The following CAMK2B variants were observed in gnomAD, a reference collection of about 807,000 sequenced individuals.
CAMK2B encodes calcium/calmodulin-dependent protein kinase type II subunit beta.
A neutral mutation model predicts 93.7 loss-of-function variants in CAMK2B; 27 were observed. The observed-to-expected ratio is 0.29, with a 90% CI of 0.21 to 0.40. The LOEUF (loss-of-function observed/expected upper bound fraction) is 0.40. CAMK2B is among the 10% of genes least tolerant of loss of function. The probability of loss-of-function intolerance (pLI) is 1.00; values close to 1 mark genes in which losing one functional copy is unlikely to be tolerated. For synonymous variants in CAMK2B, 374 were observed against 358.8 expected (o/e 1.04, Z -0.48); for missense variants, 568 against 895.8 (o/e 0.63, Z 4.67).
chr7:44,270,713 G>A (rs1435413599), intron 2 of CAMK2B, among the ~76,000 whole-genome samples: 3 of 152,154 alleles, frequency 2.0e-5, no homozygotes, highest in Non-Finnish European at 4.4e-5. Context: ...ACACTTTGAG[G>A]GCCACAGCAC....
intron 18 of CAMK2B, 69 bp downstream of exon 18, chr7:44,229,319 A>T (rs1346046007): frequency 1.9e-6 from 2 of 1,035,892 alleles, no homozygotes; most frequent in East Asian, 2.7e-5. Flanking sequence ...TCGGCTCTGG[A>T]GTGGCCCCTC....
intron 2 of CAMK2B, among the ~76,000 whole-genome samples, chr7:44,274,895 G>C (rs780603099): frequency 3.9e-5 from 6 of 152,206 alleles, no homozygotes; most frequent in Admixed American, 6.5e-5. Context: ...GATCCCACCA[G>C]ATGTGGGAAC....
chr7:44,302,534 T>C (rs998420778), intron 1 of CAMK2B, among the ~76,000 whole-genome samples: 6 of 152,136 alleles, frequency 3.9e-5, no homozygotes, highest in African/African-American at 7.2e-5. Flanking sequence ...AATCCAACAA[T>C]GTATAAAAAG....
In CAMK2B at chr7:44,248,234, G is replaced by A. The variant is rs919240334; in HGVS notation, c.342-1042C>T. ...CTCTCATAGTCAGGGAGGGCTGTTG[G>A]CAGAAGTCCAGGGCCCTTCCAGGCC... is the stretch of plus-strand genomic sequence containing the variant. On this transcript the variant is annotated intron_variant, in intron 5 of 23. Transcript: ENST00000395749. This position sits in a 1 kb window ranked among gnomAD's most constrained non-coding sequence, Gnocchi z 4.1. Among the ~76,000 whole-genome samples the A allele has an allele frequency of 2.6e-5, 4 of 152,122 alleles. No individual in the cohort carries two copies. The highest frequency in any genetic ancestry group is 5.9e-5 in the Non-Finnish European group (4 of 68,002).
chr7:44,301,901 A>G (rs1790156349), intron 1 of CAMK2B, among the ~76,000 whole-genome samples: 1 of 152,208 alleles, frequency 6.6e-6, no homozygotes. Flanking sequence ...TAAAAACTAG[A>G]GTGTAAATCA....
At chr7:44,304,885 C>T (rs934514508) in intron 1 of CAMK2B, among the ~76,000 whole-genome samples, 3 of 152,084 alleles carry the variant, frequency 2.0e-5, no homozygotes, top group African/African-American at 7.2e-5. Context: ...TTTTTCCATA[C>T]AGACAAAACT....
chr7:44,228,600 C>T (rs2096544364), intron 19 of CAMK2B, among the ~76,000 whole-genome samples, 196 bp downstream of exon 19: 1 of 152,036 alleles, frequency 6.6e-6, no homozygotes, highest in Non-Finnish European at 1.5e-5. Flanking sequence ...GGTCTGGGCC[C>T]CTTAGGGAGA....
Position 44,286,469 on chromosome 7 carries a change from G to A in CAMK2B, c.66-2244C>T, listed in dbSNP as rs915304328. Among the ~76,000 whole-genome samples the A allele has an allele frequency of 7.9e-5, 12 of 152,202 alleles. No homozygotes were observed. The highest frequency in any genetic ancestry group is 2.1e-4 in the South Asian group (1 of 4,822). ...CACCGCTGTGTCGAGCCCGTCCCCG[G>A]AGCAGGGAGGAGACCCAAGCGCAGC... On this transcript the variant is annotated intron_variant, in intron 1 of 23. Coordinates refer to ENST00000395749, the MANE Select transcript of CAMK2B (RefSeq NM_001220.5). This position sits in a 1 kb window ranked among gnomAD's most constrained non-coding sequence, Gnocchi z 4.0.
At chr7:44,283,193 C>A (rs1406034408) in intron 2 of CAMK2B, among the ~76,000 whole-genome samples, 4 of 152,270 alleles carry the variant, frequency 2.6e-5, no homozygotes, top group Non-Finnish European at 4.4e-5. Flanking sequence ...GATCTGTGCT[C>A]CAACCACAGC....
rs2096691893 is a variant in CAMK2B, at chr7:44,242,669, T to G, written c.602-15A>C. The G allele has an allele frequency of 6.3e-7, 1 of 1,581,558 alleles. No individual in the cohort carries two copies. Among genetic ancestry groups the G allele is most frequent in the Admixed American group, 1.7e-5 (1 of 58,226 alleles). On this transcript the variant is annotated splice_polypyrimidine_tract_variant and intron_variant, in intron 8 of 23. Coordinates refer to ENST00000395749, the MANE Select transcript of CAMK2B (RefSeq NM_001220.5). ...CAGGATCACCCCTGCGGATGGGGCCTGTGAGCACCGCAGCCACTTGCAGGG... is the reference window on the plus strand; with the variant it reads ...CAGGATCACCCCTGCGGATGGGGCCGGTGAGCACCGCAGCCACTTGCAGGG...
chr7:44,282,180 C>G (rs1223076050), intron 2 of CAMK2B, among the ~76,000 whole-genome samples: 1 of 152,234 alleles, frequency 6.6e-6, no homozygotes, highest in African/African-American at 2.4e-5. Flanking sequence ...CAGAGACCCA[C>G]AGGAACTGGC....
chr7:44,313,030 A>G (rs1793956103), intron 1 of CAMK2B, among the ~76,000 whole-genome samples: 1 of 152,122 alleles, frequency 6.6e-6, no homozygotes, highest in South Asian at 2.1e-4. Context: ...CCAGGGAGAC[A>G]GCAGGACCCT....
intron 1 of CAMK2B, among the ~76,000 whole-genome samples, chr7:44,313,795 G>C (rs533549936): frequency 6.7e-6 from 1 of 149,230 alleles, no homozygotes; most frequent in East Asian, 2.0e-4. Flanking sequence ...CCTCTGGCCT[G>C]AGCTCACATC....
At position 44,228,960 on chromosome 7, in the gene CAMK2B, G is replaced by A. The variant is rs766378378; in HGVS notation, c.1340-36C>T. ...ACAGATGAGACGTGAACATGAGGCAGACAGACACACGAGGCGGCGGCAAGG... is the reference window on the plus strand; with the variant it reads ...ACAGATGAGACGTGAACATGAGGCAAACAGACACACGAGGCGGCGGCAAGG... On this transcript the variant is annotated intron_variant, in intron 18 of 23. Transcript: ENST00000395749. 4 of 1,602,046 alleles carry A rather than the reference G, an allele frequency of 2.5e-6. No individual in the cohort carries two copies. In the Admixed American group the frequency reaches 5.0e-5, roughly 20 times the overall value.
At chr7:44,243,131 T>G (rs1419197884) in intron 8 of CAMK2B, 119 bp downstream of exon 8, 2 of 762,854 alleles carry the variant, frequency 2.6e-6, no homozygotes, top group Non-Finnish European at 4.4e-6. Flanking sequence ...AGGGCAGGTC[T>G]GACACAGATA....
chr7:44,274,626 C>T (rs938761007), intron 2 of CAMK2B, among the ~76,000 whole-genome samples: 1 of 152,244 alleles, frequency 6.6e-6, no homozygotes, highest in African/African-American at 2.4e-5. Context: ...CTTCAAAACA[C>T]TCTTCTCCTC....
intron 2 of CAMK2B, among the ~76,000 whole-genome samples, chr7:44,273,589 C>T (rs998881146): frequency 6.6e-6 from 1 of 152,164 alleles, no homozygotes. Flanking sequence ...ACACGTCCCA[C>T]CAAAGCCCAT....
chr7:44,232,429 C>G (rs1302315368), intron 16 of CAMK2B, among the ~76,000 whole-genome samples: 3 of 152,118 alleles, frequency 2.0e-5, no homozygotes, highest in Admixed American at 6.5e-5. Context: ...GTCTGCTCAG[C>G]AGGAAGCACT....
At chr7:44,292,738 T>G (rs1787210999) in intron 1 of CAMK2B, among the ~76,000 whole-genome samples, 1 of 151,980 alleles carries the variant, frequency 6.6e-6, no homozygotes. Context: ...GGGCCAGGAG[T>G]GTAAGGAGAA....
Sources: gnomAD v4.1 joint callset for allele counts (sites outside exome capture counted in the v4.1 genomes callset) on GRCh38, gnomAD v4.1.1 for gene constraint, Gnocchi (gnomAD v3.1) non-coding constraint, MANE v1.5 for transcripts, NCBI Gene and HGNC (gene_info 2026-07-23, HGNC 2026-07-21) for gene names.